WDR5: variants seen among roughly 807,000 people sequenced by gnomAD.
WDR5 encodes WD repeat-containing protein 5.
For synonymous variants in WDR5, 144 were observed against 161.6 expected (o/e 0.89, Z 0.83); for missense variants, 187 against 416.9 (o/e 0.45, Z 4.80).
At chr9:134,145,246 C>G (rs1168409325) in intron 7 of WDR5, among the ~76,000 whole-genome samples, 2 of 151,848 alleles carry the variant, frequency 1.3e-5, no homozygotes, top group African/African-American at 4.8e-5. Flanking sequence ...TTACAGGTGC[C>G]CACTACCACG....
At chr9:134,140,901 A>ACCGCTGGGGAGACGTAGCAGG in intron 3 of WDR5, 90 bp downstream of exon 3, 2 of 1,266,718 alleles carry the variant, frequency 1.6e-6, no homozygotes, top group Non-Finnish European at 2.3e-6. Context: ...TTCCTCACCT[A>ACCGCTGGGGAGACGTAGCAGG]CCGCTGGGGA....
intron 7 of WDR5, among the ~76,000 whole-genome samples, chr9:134,147,606 G>A (rs1387512487): frequency 2.0e-5 from 3 of 152,158 alleles, no homozygotes; most frequent in African/African-American, 7.2e-5. Context: ...GACAACCTCA[G>A]TCCCATCCCC....
rs1288374118 is a variant in WDR5 at position 134,152,057 on chromosome 9, G to C, written c.631+28G>C. The C allele has an allele frequency of 9.3e-6, 15 of 1,611,622 alleles. No homozygotes were observed. The African/African-American group carries it at 1.7e-4, about 19-fold the overall frequency. ...GAGTGTGGCTCTGTGTGGGGGCTGG[G>C]TCTGTGGGGAGGGCCTCCCCTGCTG... On this transcript the variant is annotated intron_variant, in intron 9 of 13. Coordinates refer to ENST00000358625, the MANE Select transcript of WDR5 (RefSeq NM_017588.3).
At chr9:134,149,041 G>A (rs939887569) in intron 8 of WDR5, among the ~76,000 whole-genome samples, 2 of 152,182 alleles carry the variant, frequency 1.3e-5, no homozygotes, top group African/African-American at 2.4e-5. Flanking sequence ...GACGGTGGCA[G>A]CCACTGGCAG....
chr9:134,151,533 G>A (rs968842374), intron 8 of WDR5, among the ~76,000 whole-genome samples: 23 of 152,200 alleles, frequency 1.5e-4, no homozygotes, highest in African/African-American at 5.5e-4. Flanking sequence ...TACCTTCTGG[G>A]AATAGTCCAG....
At chr9:134,143,589 C>T (rs191881937) in intron 7 of WDR5, among the ~76,000 whole-genome samples, 2,785 of 149,900 alleles carry the variant, frequency 0.019, 91 homozygotes, top group African/African-American at 0.064. Context: ...TGCAGTGTTG[C>T]GATCTCGGCT....
At chr9:134,147,922 A>G (rs1832287350) in intron 7 of WDR5, among the ~76,000 whole-genome samples, 1 of 152,104 alleles carries the variant, frequency 6.6e-6, no homozygotes, top group Non-Finnish European at 1.5e-5. Flanking sequence ...TGGGAAGCCA[A>G]GGCGGGTGGA....
chr9:134,138,993 G>GTA (rs1419169970), intron 1 of WDR5, among the ~76,000 whole-genome samples: 1 of 152,192 alleles, frequency 6.6e-6, no homozygotes, highest in Non-Finnish European at 1.5e-5. Context: ...TATTCCCATG[G>GTA]TAGAGGAAAC....
rs1397034877 is a variant in WDR5, at chr9:134,141,993, T to G, written c.309T>G (p.Val103=). The change falls in exon 5 of 14, where the codon GTT becomes GTG. Residue 103 remains valine (V), a synonymous_variant. Coordinates refer to ENST00000358625, the MANE Select transcript of WDR5 (RefSeq NM_017588.3). The part of the protein sequence containing the change: ...VAWSSDSNLL[V]SASDDKTLKI... ...GGTCGTCAGATTCTAACCTTCTTGT[T>G]TCTGCCTCAGATGACAAAACCTTGA... The G allele has an allele frequency of 1.9e-6, 3 of 1,614,212 alleles. No individual in the cohort carries two copies. The highest frequency in any genetic ancestry group is 1.7e-6 in the Non-Finnish European group (2 of 1,180,044).
chr9:134,153,056 C>T (rs758770317), intron 9 of WDR5, among the ~76,000 whole-genome samples: 10 of 152,216 alleles, frequency 6.6e-5, no homozygotes, highest in Non-Finnish European at 1.3e-4. Flanking sequence ...CCCCTTGCCA[C>T]AGCGGTCTTT....
chr9:134,154,655 C>T (rs1832669563), intron 10 of WDR5, 114 bp downstream of exon 10: 17 of 1,203,884 alleles, frequency 1.4e-5, no homozygotes, highest in Non-Finnish European at 2.4e-6. Flanking sequence ...GGGATCCAGG[C>T]TCCTGGTGGA....
intron 1 of WDR5, among the ~76,000 whole-genome samples, chr9:134,136,808 G>A (rs1312667623): frequency 6.6e-6 from 1 of 152,174 alleles, no homozygotes; most frequent in Admixed American, 6.5e-5. Context: ...CCAAACAGAG[G>A]TCGGCCTGTT....
At position 134,142,566 on chromosome 9, in the gene WDR5, G is replaced by A. The variant is rs556188068; in HGVS notation, c.445-70G>A. The A allele has an allele frequency of 1.3e-5, 21 of 1,577,096 alleles. No individual in the cohort carries two copies. The African/African-American group carries it at 2.3e-4, about 17-fold the overall frequency. ...TTGTGGGGAGGATGGGCTGATAGCA[G>A]GTCTTAGGTTCTGGGGAGGTTTGTC... On this transcript the variant is annotated intron_variant, in intron 6 of 13. Coordinates refer to ENST00000358625, the MANE Select transcript of WDR5 (RefSeq NM_017588.3).
At chr9:134,143,609 C>G (rs1281354341) in intron 7 of WDR5, among the ~76,000 whole-genome samples, 1 of 151,536 alleles carries the variant, frequency 6.6e-6, no homozygotes, top group Non-Finnish European at 1.5e-5. Flanking sequence ...TCACTGCAAG[C>G]TCCGCCTCCC....
chr9:134,153,986 G>T (rs1260793664), intron 9 of WDR5, among the ~76,000 whole-genome samples: 4 of 152,188 alleles, frequency 2.6e-5, no homozygotes, highest in African/African-American at 9.7e-5. Context: ...GAGTCCAGCT[G>T]ATAGGCCTGG....
At chr9:134,155,965 G>C (rs1832724762) in intron 12 of WDR5, among the ~76,000 whole-genome samples, 198 bp downstream of exon 12, 1 of 152,068 alleles carries the variant, frequency 6.6e-6, no homozygotes, top group African/African-American at 2.4e-5. Context: ...CCTTAACGGA[G>C]GCAGGCAGCC....
intron 7 of WDR5, among the ~76,000 whole-genome samples, chr9:134,147,758 G>T (rs930890008): frequency 1.3e-5 from 2 of 152,156 alleles, no homozygotes; most frequent in African/African-American, 2.4e-5. Flanking sequence ...AGTGGCTCAT[G>T]CCTGTACTCC....
At chr9:134,136,433 A>C in intron 1 of WDR5, among the ~76,000 whole-genome samples, 2 of 147,384 alleles carry the variant, frequency 1.4e-5, no homozygotes, top group Admixed American at 6.7e-5. Context: ...TCGCGCCCCC[A>C]CCTCCGCCTC....
chr9:134,151,878 G>T, intron 8 of WDR5, 105 bp from the exon 9 acceptor site: 1 of 1,150,544 alleles, frequency 8.7e-7, no homozygotes, highest in South Asian at 1.5e-5. Flanking sequence ...TTTAAAAAAA[G>T]ATAGGGAAAA....
Sources: allele counts gnomAD v4.1 joint callset (sites outside exome capture counted in the v4.1 genomes callset), GRCh38; gene constraint gnomAD v4.1.1; transcripts MANE v1.5; gene names NCBI Gene and HGNC (gene_info 2026-07-23, HGNC 2026-07-21).